The following HS2ST1 variants were observed in gnomAD, a reference collection of about 807,000 sequenced individuals.
HS2ST1 encodes the protein heparan sulfate 2-O-sulfotransferase 1.
HS2ST1 carries 18 observed loss-of-function variants against 42.9 expected under a neutral mutation model. The observed-to-expected ratio is 0.42, with a 90% CI of 0.29 to 0.62. The LOEUF is 0.62. Among genes scored for constraint, HS2ST1 ranks in the 20% least tolerant of loss-of-function variants. The probability of loss-of-function intolerance (pLI) is 0.21; values close to 1 mark genes in which losing one functional copy is unlikely to be tolerated. For synonymous variants in HS2ST1, 146 were observed against 152.9 expected, an observed-to-expected ratio of 0.95 and a Z score of 0.33; for missense variants, 334 against 433.8, an observed-to-expected ratio of 0.77 and a Z score of 2.04.
At chr1:86,977,058 AAACAAC>A (rs1003296251) in intron 1 of HS2ST1, among the ~76,000 whole-genome samples, 1 of 152,074 alleles carries the variant, frequency 6.6e-6, no homozygotes, top group South Asian at 2.1e-4. Flanking sequence ...TCAAAAAACA[AAACAAC>A]AACAACAACA....
chr1:86,990,015 C>T (rs1308321032), intron 1 of HS2ST1, among the ~76,000 whole-genome samples: 1 of 151,782 alleles, frequency 6.6e-6, no homozygotes, highest in Non-Finnish European at 1.5e-5. Flanking sequence ...GTGAACAGTG[C>T]CGCAGTAAAC....
At chr1:87,099,774 G>A (rs1268039706) in intron 5 of HS2ST1, among the ~76,000 whole-genome samples, 1 of 152,138 alleles carries the variant, frequency 6.6e-6, no homozygotes, top group Non-Finnish European at 1.5e-5. Context: ...TAAAAAACAA[G>A]TTATTTATTC....
chr1:87,043,365 T>G (rs1341738536), intron 1 of HS2ST1, among the ~76,000 whole-genome samples: 2 of 152,130 alleles, frequency 1.3e-5, no homozygotes, highest in Non-Finnish European at 2.9e-5. Flanking sequence ...GATCATTTTG[T>G]AGGTGGCTCT....
intron 1 of HS2ST1, among the ~76,000 whole-genome samples, chr1:87,000,784 G>A (rs997931533): frequency 6.6e-6 from 1 of 152,144 alleles, no homozygotes; most frequent in African/African-American, 2.4e-5. Flanking sequence ...AGCACAGTGG[G>A]AACATACACA....
chr1:86,995,568 AT>A (rs1357210164), intron 1 of HS2ST1, among the ~76,000 whole-genome samples: 1 of 151,912 alleles, frequency 6.6e-6, no homozygotes, highest in Admixed American at 6.6e-5. Context: ...AGGAAATGAA[AT>A]TTTTTTTCTT....
At position 87,107,442 on chromosome 1, in the gene HS2ST1, C is replaced by T. The variant is rs1373279569; in HGVS notation, c.*2746C>T. On this transcript the variant is annotated 3_prime_UTR_variant, in exon 7 of 7. Coordinates refer to ENST00000370550, the MANE Select transcript of HS2ST1 (RefSeq NM_012262.4). ...TCAGGTCCAGTACAGTACTAGGAGT[C>T]ATAATACTTTATAATCAATTAAATA... The T allele has an allele frequency of 6.6e-6, 1 of 151,858 alleles. No homozygotes were observed. 9.4% of individuals were successfully genotyped at this position (151,858 alleles called of 1,614,324 possible). A position where few individuals can be genotyped will look rare whatever the true frequency, so the allele number is the denominator to read the frequency against.
At chr1:87,031,289 A>T (rs960024555) in intron 1 of HS2ST1, among the ~76,000 whole-genome samples, 3 of 152,192 alleles carry the variant, frequency 2.0e-5, no homozygotes, top group Admixed American at 2.0e-4. Flanking sequence ...ATATCCGTGG[A>T]AATACTGCTG....
intron 1 of HS2ST1, chr1:87,044,976 C>G (rs574002443): frequency 1.3e-6 from 2 of 1,597,372 alleles, no homozygotes; most frequent in South Asian, 2.2e-5. Context: ...CTGTTCTATA[C>G]GTGACCTCTT....
At chr1:86,923,514 A>G (rs1258355528) in intron 1 of HS2ST1, among the ~76,000 whole-genome samples, 1 of 150,984 alleles carries the variant, frequency 6.6e-6, no homozygotes, top group Non-Finnish European at 1.5e-5. Flanking sequence ...CTCCTGCCTC[A>G]GCCTCCCGAG....
chr1:87,076,139 A>C (rs1415534026), intron 2 of HS2ST1, among the ~76,000 whole-genome samples: 1 of 152,202 alleles, frequency 6.6e-6, no homozygotes, highest in Non-Finnish European at 1.5e-5. Context: ...CGAGAAAACA[A>C]ATTAATGTAG....
rs1396148944 is a variant in HS2ST1 at position 86,914,822 on chromosome 1, C to T, written c.-215C>T. ...CTTTTGGAGGGGGCGGCCGTTTAGT[C>T]GGCTGAGGAGAAGCGGACACCAGCG... On this transcript the variant is annotated 5_prime_UTR_variant, in exon 1 of 7. Transcript: ENST00000370550. The T allele has an allele frequency of 1.4e-5, 8 of 583,808 alleles. No homozygotes were observed. The highest frequency in any genetic ancestry group is 4.6e-4 in the Middle Eastern group (1 of 2,174). The allele number at this position is 583,808 out of a possible 1,614,324, so 36.2% of individuals were successfully genotyped here.
intron 3 of HS2ST1, among the ~76,000 whole-genome samples, chr1:87,085,432 T>TA (rs1157407381): frequency 1.3e-5 from 2 of 152,158 alleles, no homozygotes; most frequent in African/African-American, 4.8e-5. Context: ...ATCATGTAAT[T>TA]AAAAAAGAAT....
At chr1:87,094,379 T>C (rs750485761) in intron 4 of HS2ST1, among the ~76,000 whole-genome samples, 33 of 152,130 alleles carry the variant, frequency 2.2e-4, no homozygotes, top group Non-Finnish European at 4.1e-4. Flanking sequence ...ACATTTACTG[T>C]GCACCATACC....
rs376591528 is a variant in HS2ST1, at chr1:87,084,236, C to A, written c.406C>A (p.Pro136Thr). 1 of 1,604,400 alleles carries A rather than the reference C, an allele frequency of 6.2e-7. No homozygotes were observed. Among genetic ancestry groups the A allele is most frequent in the Non-Finnish European group, 8.5e-7 (1 of 1,175,350 alleles). Residue 136 changes from proline to threonine, a missense_variant, in exon 3 of 7, where the codon CCA (proline) becomes ACA (threonine). Transcript: ENST00000370550. ...KNITSWKEMK[P>T]GFYHGHVSYL... Reference sequence around the variant, plus strand: ...TATAACTTCCTGGAAAGAGATGAAACCAGGATTTTATCATGGACACGTTTC... The same window carrying A: ...TATAACTTCCTGGAAAGAGATGAAAACAGGATTTTATCATGGACACGTTTC...
chr1:87,080,064 A>T (rs372104718), intron 2 of HS2ST1, among the ~76,000 whole-genome samples: 2 of 152,080 alleles, frequency 1.3e-5, no homozygotes, highest in East Asian at 1.9e-4. Context: ...AAGAAAAAAC[A>T]AATAGATTCT....
intron 5 of HS2ST1, among the ~76,000 whole-genome samples, chr1:87,099,234 C>G (rs996102385): frequency 6.6e-6 from 1 of 152,132 alleles, no homozygotes; most frequent in African/African-American, 2.4e-5. Context: ...TAAAGTACTA[C>G]CTGAGACTGG....
chr1:86,952,444 G>T (rs1477707229), intron 1 of HS2ST1, among the ~76,000 whole-genome samples: 1 of 152,062 alleles, frequency 6.6e-6, no homozygotes, highest in South Asian at 2.1e-4. Flanking sequence ...CACCATGTTG[G>T]CCAGGCTGGT....
intron 1 of HS2ST1, among the ~76,000 whole-genome samples, chr1:87,006,212 G>A (rs1649434400): frequency 6.6e-6 from 1 of 152,110 alleles, no homozygotes; most frequent in African/African-American, 2.4e-5. Context: ...AAATGCAGTA[G>A]TATTGCCCAA....
intron 1 of HS2ST1, among the ~76,000 whole-genome samples, chr1:86,945,349 A>G (rs7546808): frequency 0.022 from 3,363 of 152,292 alleles, 145 homozygotes; most frequent in African/African-American, 0.077. Flanking sequence ...TCGTTTAGTA[A>G]TGTCTGTCAT....
Sources: gnomAD v4.1 joint callset for allele counts (sites outside exome capture counted in the v4.1 genomes callset) on GRCh38, gnomAD v4.1.1 for gene constraint, MANE v1.5 for transcripts, NCBI Gene and HGNC (gene_info 2026-07-23, HGNC 2026-07-21) for gene names.